The following PCDHGB7 variants were observed in gnomAD, a reference collection of about 807,000 sequenced individuals.
The protein encoded by PCDHGB7 is protocadherin gamma-B7.
In PCDHGB7, 37 loss-of-function variants were observed where a neutral mutation model predicts 61.4. The observed-to-expected ratio is 0.60, with a 90% CI of 0.46 to 0.79. The LOEUF (loss-of-function observed/expected upper bound fraction) is 0.79. PCDHGB7 is among the 30% of genes least tolerant of loss of function. The pLI is 0.00. For missense variants in PCDHGB7, 1,166 were observed against 1,202.5 expected (o/e 0.97, Z 0.45); for synonymous variants, 464 against 503.5 (o/e 0.92, Z 1.05).
intron 1 of PCDHGB7, chr5:141,423,311 T>G: frequency 2.5e-6 from 4 of 1,614,134 alleles, no homozygotes; most frequent in Non-Finnish European, 3.4e-6. Flanking sequence ...CTGTACTTGG[T>G]GGTGGCGGTG....
Position 141,489,138 on chromosome 5 carries a change from T to C in PCDHGB7, c.2416-5669T>C. 1.4e-6 allele frequency: 1 copy of C among 738,808 alleles called. No homozygotes were observed. The highest frequency in any genetic ancestry group is 3.0e-5 in the Admixed American group (1 of 33,014). The allele number at this position is 738,808 out of a possible 1,614,324, so 45.8% of individuals were successfully genotyped here. On this transcript the variant is annotated intron_variant, in intron 1 of 3. Transcript: ENST00000398594. This position sits in a 1 kb window ranked among gnomAD's most constrained non-coding sequence, Gnocchi z 4.5. ...AACCTCCGAGCAGTTTTTAAGAGGC[T>C]GGAAGGAGACATAAGAGACTTCAGC...
intron 1 of PCDHGB7, among the ~76,000 whole-genome samples, chr5:141,446,686 C>T (rs574630887): frequency 1.3e-5 from 2 of 152,294 alleles, no homozygotes; most frequent in African/African-American, 4.8e-5. Context: ...CCATATTGGC[C>T]AGGCTGGTCT....
chr5:141,476,656 T>C lies in PCDHGB7; in HGVS notation c.2416-18151T>C. 1 of 1,614,210 alleles carries C rather than the reference T, an allele frequency of 6.2e-7. No individual in the cohort carries two copies. Among genetic ancestry groups the C allele is most frequent in the Non-Finnish European group, 8.5e-7 (1 of 1,180,044 alleles). On this transcript the variant is annotated intron_variant, in intron 1 of 3. Coordinates refer to ENST00000398594, the MANE Select transcript of PCDHGB7 (RefSeq NM_018927.4). This position sits in a 1 kb window ranked among gnomAD's most constrained non-coding sequence, Gnocchi z 7.6. ...ATGAGCTGAGCCGAAATGAATACTT[T>C]GCGCTTCGCGTGCAGACGCGGGAGG...
chr5:141,420,036 G>C lies in PCDHGB7; in HGVS notation c.2177G>C (p.Cys726Ser). 6.2e-7 allele frequency: 1 copy of C among 1,614,078 alleles called. No homozygotes were observed. The change falls in exon 1 of 4, where the codon TGC (cysteine) becomes TCC (serine). Residue 726 changes from cysteine (C) to serine (S), a missense_variant. Coordinates refer to ENST00000398594, the MANE Select transcript of PCDHGB7 (RefSeq NM_018927.4). ...RQSFSPTAGD[C>S]FESVLCSKSG... ...TCTTTCAGCCCTACTGCAGGAGACTGCTTTGAGTCAGTTCTCTGCTCCAAG... is the reference window on the plus strand; with the variant it reads ...TCTTTCAGCCCTACTGCAGGAGACTCCTTTGAGTCAGTTCTCTGCTCCAAG...
At chr5:141,424,022 AAC>A (rs1390245883) in intron 1 of PCDHGB7, 1 of 1,046,586 alleles carries the variant, frequency 9.6e-7, no homozygotes, top group Non-Finnish European at 1.2e-6. Flanking sequence ...ATGATTCACA[AAC>A]ACTTTTTATT....
chr5:141,432,974 C>T lies in PCDHGB7; in HGVS notation c.2415+12700C>T. ...CGGCTTGACAGGAGCGCCGGCGTCG[C>T]ACTTTGTGGGCGTGGACGGGGTGCA... On this transcript the variant is annotated intron_variant, in intron 1 of 3. Coordinates refer to ENST00000398594, the MANE Select transcript of PCDHGB7 (RefSeq NM_018927.4). This position sits in a 1 kb window ranked among gnomAD's most constrained non-coding sequence, Gnocchi z 6.0. 6.2e-7 allele frequency: 1 copy of T among 1,614,204 alleles called. No individual in the cohort carries two copies. Among genetic ancestry groups the T allele is most frequent in the Non-Finnish European group, 8.5e-7 (1 of 1,180,030 alleles).
chr5:141,443,217 G>A (rs1447455858), intron 1 of PCDHGB7, among the ~76,000 whole-genome samples: 8 of 151,656 alleles, frequency 5.3e-5, no homozygotes, highest in African/African-American at 2.4e-5. Flanking sequence ...CTCGCCAGGC[G>A]CATCTATAAT....
chr5:141,423,253 C>G (rs750278899), intron 1 of PCDHGB7: 1 of 1,613,916 alleles, frequency 6.2e-7, no homozygotes, highest in Admixed American at 1.7e-5. Flanking sequence ...CCTGGCGGAC[C>G]TCGGCAGCCT....
intron 1 of PCDHGB7, among the ~76,000 whole-genome samples, chr5:141,469,189 T>C (rs1393685141): frequency 2.6e-5 from 4 of 151,710 alleles, no homozygotes; most frequent in African/African-American, 9.7e-5. Flanking sequence ...GGCAAGAGGA[T>C]TGCTTGAGCC....
chr5:141,485,239 C>T lies in PCDHGB7; in HGVS notation c.2416-9568C>T. ...GGGCTACCCTTTTGTTCCTCTTTTA[C>T]CACCTGGGTTACGTTTGTGGGCAGA... On this transcript the variant is annotated intron_variant, in intron 1 of 3. Transcript: ENST00000398594. This position sits in a 1 kb window ranked among gnomAD's most constrained non-coding sequence, Gnocchi z 5.7. The T allele has an allele frequency of 6.2e-7, 1 of 1,614,140 alleles. No homozygotes were observed. Among genetic ancestry groups the T allele is most frequent in the South Asian group, 1.1e-5 (1 of 91,072 alleles).
intron 1 of PCDHGB7, among the ~76,000 whole-genome samples, chr5:141,444,357 G>C (rs1258703336): frequency 3.3e-5 from 5 of 151,798 alleles, no homozygotes; most frequent in African/African-American, 9.7e-5. Flanking sequence ...TTTTAGTAGA[G>C]ACGGGGTTTC....
intron 1 of PCDHGB7, chr5:141,424,133 T>C: frequency 2.2e-6 from 1 of 450,350 alleles, no homozygotes; most frequent in South Asian, 9.6e-5. Flanking sequence ...GTTGATTTAA[T>C]AGCATGCTCC....
chr5:141,438,615 TATATATATATATATATATATAC>T (rs1275224820), intron 1 of PCDHGB7, among the ~76,000 whole-genome samples: 95 of 35,914 alleles, frequency 2.6e-3, no homozygotes, highest in East Asian at 8.4e-3. Flanking sequence ...TATATATATA[TATATATATATATATATATATAC>T]ACACACACAC....
In PCDHGB7 at chr5:141,511,318, A is replaced by C; in HGVS notation, c.*145A>C. 2 of 1,476,400 alleles carry C rather than the reference A, an allele frequency of 1.4e-6. No homozygotes were observed. Among genetic ancestry groups the C allele is most frequent in the South Asian group, 2.7e-5 (2 of 72,796 alleles). 91.5% of individuals were successfully genotyped at this position (1,476,400 alleles called of 1,614,324 possible). On this transcript the variant is annotated 3_prime_UTR_variant, in exon 4 of 4. Transcript: ENST00000398594. The stretch of plus-strand genomic sequence containing the variant: ...GCCATGCTCCCCTTGGGAAACAGAA[A>C]CAAGTGCCCAGTCAGCACCTACCCC...
Position 141,511,039 on chromosome 5 carries a change from C to T in PCDHGB7, c.2656C>T (p.Pro886Ser). 1 of 1,614,196 alleles carries T rather than the reference C, an allele frequency of 6.2e-7. No homozygotes were observed. ...YGPQFTLQHV[P>S]DYRQNVYIPG... ...ACCCCAGTTCACCCTGCAGCACGTGCCCGACTACCGCCAGAATGTCTACAT... is the reference window on the plus strand; with the variant it reads ...ACCCCAGTTCACCCTGCAGCACGTGTCCGACTACCGCCAGAATGTCTACAT... The change falls in exon 4 of 4, where the codon CCC (proline) becomes TCC (serine). Residue 886 changes from proline (P) to serine (S), a missense_variant. Physicochemically the swap from Pro to Ser is moderately conservative, Grantham distance 74. Coordinates refer to ENST00000398594, the MANE Select transcript of PCDHGB7 (RefSeq NM_018927.4).
intron 1 of PCDHGB7, chr5:141,428,120 C>T (rs756805763): frequency 3.7e-6 from 6 of 1,606,528 alleles, no homozygotes; most frequent in East Asian, 4.5e-5. Flanking sequence ...CCATCGAGCC[C>T]GGGCTTTTCA....
chr5:141,421,532 C>T lies in PCDHGB7; in HGVS notation c.2415+1258C>T, dbSNP rs557991200. On this transcript the variant is annotated intron_variant, in intron 1 of 3. Transcript: ENST00000398594. ...GAGGAGCTCTGTGAGACGGTGTCCT[C>T]CTGTTTTTTAAATATGGAACTTCTC... The T allele has an allele frequency of 1.4e-5, 23 of 1,613,996 alleles. No individual in the cohort carries two copies. In the African/African-American group the frequency reaches 2.4e-4, roughly 17 times the overall value.
intron 1 of PCDHGB7, among the ~76,000 whole-genome samples, chr5:141,437,829 C>T (rs2097913718): frequency 6.6e-6 from 1 of 151,986 alleles, no homozygotes; most frequent in Admixed American, 6.6e-5. Flanking sequence ...CCTCTGCCTC[C>T]TGGGTTCATG....
rs201698529 is a variant in PCDHGB7, at chr5:141,419,203, C to T, written c.1344C>T (p.Asn448=). The T allele has an allele frequency of 8.7e-5, 140 of 1,613,988 alleles. No individual in the cohort carries two copies. The highest frequency in any genetic ancestry group is 1.2e-4 in the Non-Finnish European group (136 of 1,179,900). The change falls in exon 1 of 4, where the codon AAC becomes AAT. Residue 448 remains asparagine, a synonymous_variant. Coordinates refer to ENST00000398594, the MANE Select transcript of PCDHGB7 (RefSeq NM_018927.4). ...ITLHITDVND[N]APVFGQSAYL... is the part of the protein sequence containing the mutation. ...TGCACATTACTGACGTCAATGACAA[C>T]GCGCCGGTTTTCGGACAGTCAGCCT... is the stretch of plus-strand genomic sequence containing the variant.
Sources: allele counts gnomAD v4.1 joint callset (sites outside exome capture counted in the v4.1 genomes callset), GRCh38; gene constraint gnomAD v4.1.1; non-coding constraint Gnocchi (gnomAD v3.1); transcripts MANE v1.5; gene names NCBI Gene and HGNC (gene_info 2026-07-23, HGNC 2026-07-21).